TRDN: variants seen among roughly 807,000 people sequenced by gnomAD.
The protein encoded by TRDN is triadin in skeletal muscle.
Under a neutral mutation model 149.7 loss-of-function variants are expected in TRDN, and 161 were observed. That is an observed-to-expected ratio of 1.08 (90% CI 0.95 to 1.23). The LOEUF (loss-of-function observed/expected upper bound fraction) is 1.23. TRDN is among the 50% of genes most tolerant of loss of function. The probability of loss-of-function intolerance (pLI) is 0.00; values close to 1 mark genes in which losing one functional copy is unlikely to be tolerated. For missense variants in TRDN, 896 were observed against 823.5 expected (o/e 1.09, Z -1.08); for synonymous variants, 294 against 250.5 (o/e 1.17, Z -1.64).
intron 1 of TRDN, among the ~76,000 whole-genome samples, chr6:123,615,875 T>A (rs1293001624): frequency 6.6e-6 from 1 of 152,278 alleles, no homozygotes; most frequent in East Asian, 1.9e-4. Flanking sequence ...TTTTTGCATA[T>A]TTTTAATAGC....
chr6:123,311,255 C>T (rs1233001839), intron 24 of TRDN, among the ~76,000 whole-genome samples: 1 of 151,786 alleles, frequency 6.6e-6, no homozygotes, highest in Admixed American at 6.6e-5. Context: ...CTTATAAAAC[C>T]ATCAGATCCC....
chr6:123,471,155 C>T (rs919363049), intron 9 of TRDN: 2 of 152,118 alleles, frequency 1.3e-5, no homozygotes, highest in African/African-American at 4.8e-5. Flanking sequence ...ATTCACAGTA[C>T]GTTTTAAAGT....
rs184601026 is a variant in TRDN, at chr6:123,407,470, T to C, written c.1052-13793A>G. Among the ~76,000 whole-genome samples, 341 of 152,288 alleles carry C rather than the reference T, an allele frequency of 2.2e-3. 1 individual carries two copies. Among genetic ancestry groups the C allele is most frequent in the Non-Finnish European group, 4.0e-3 (271 of 68,026 alleles). On this transcript the variant is annotated intron_variant, in intron 12 of 40. Transcript: ENST00000334268. The stretch of plus-strand genomic sequence containing the variant: ...GTTTTCTCCCTCCTTGGGGCCAACA[T>C]AGTGCTTCACCAGGACTTTCTTAAG...
chr6:123,467,991 T>A (rs550387554), intron 9 of TRDN, among the ~76,000 whole-genome samples: 22 of 152,218 alleles, frequency 1.4e-4, no homozygotes, highest in African/African-American at 5.3e-4. Flanking sequence ...TTATAAAATG[T>A]GGATAGTTGT....
chr6:123,370,556 A>G (rs1781286003), intron 19 of TRDN, among the ~76,000 whole-genome samples: 1 of 152,116 alleles, frequency 6.6e-6, no homozygotes, highest in African/African-American at 2.4e-5. Flanking sequence ...ACATTCCTGC[A>G]CATGTGTCTC....
intron 2 of TRDN, among the ~76,000 whole-genome samples, chr6:123,549,759 T>C (rs973686399): frequency 1.3e-5 from 2 of 152,016 alleles, no homozygotes; most frequent in Admixed American, 1.3e-4. Flanking sequence ...GATCATGATT[T>C]CTATCAGGGT....
intron 1 of TRDN, among the ~76,000 whole-genome samples, chr6:123,594,795 A>G (rs1482333764): frequency 6.6e-6 from 1 of 152,028 alleles, no homozygotes. Flanking sequence ...TTTAGGTAGC[A>G]TGACTTTAGT....
At chr6:123,389,993 T>C (rs1782047073) in intron 13 of TRDN, among the ~76,000 whole-genome samples, 1 of 152,142 alleles carries the variant, frequency 6.6e-6, no homozygotes. Flanking sequence ...AAATAAGAAT[T>C]TCCTTCAAAA....
intron 5 of TRDN, among the ~76,000 whole-genome samples, chr6:123,518,837 A>G (rs1424909370): frequency 1.3e-5 from 2 of 152,158 alleles, no homozygotes; most frequent in Non-Finnish European, 2.9e-5. Flanking sequence ...GCAGACAGCC[A>G]CTGAAGCTCC....
intron 12 of TRDN, among the ~76,000 whole-genome samples, chr6:123,395,464 G>A (rs1170726784): frequency 6.6e-6 from 1 of 152,038 alleles, no homozygotes; most frequent in African/African-American, 2.4e-5. Flanking sequence ...TCTCTCAATG[G>A]GGTTTACCTC....
At chr6:123,446,668 G>T (rs1015613342) in intron 10 of TRDN, among the ~76,000 whole-genome samples, 118 of 151,456 alleles carry the variant, frequency 7.8e-4, no homozygotes, top group African/African-American at 2.7e-3. Context: ...GTTGAGTGCT[G>T]CAGCCAAGAT....
At chr6:123,384,696 C>G (rs762619119) in intron 14 of TRDN, among the ~76,000 whole-genome samples, 3 of 151,930 alleles carry the variant, frequency 2.0e-5, no homozygotes, top group Admixed American at 6.6e-5. Context: ...GAATAAAACA[C>G]GATATGAAGT....
intron 1 of TRDN, among the ~76,000 whole-genome samples, chr6:123,587,268 A>G (rs1783543832): frequency 6.6e-6 from 1 of 152,150 alleles, no homozygotes; most frequent in South Asian, 2.1e-4. Flanking sequence ...ACACCAAGGG[A>G]AGGCTGCCTT....
At chr6:123,428,768 C>T (rs1388385113) in intron 12 of TRDN, among the ~76,000 whole-genome samples, 1 of 152,170 alleles carries the variant, frequency 6.6e-6, no homozygotes, top group Non-Finnish European at 1.5e-5. Flanking sequence ...TTCTATACTT[C>T]TGCCTTGATT....
intron 12 of TRDN, among the ~76,000 whole-genome samples, chr6:123,434,649 C>A: frequency 6.6e-6 from 1 of 152,140 alleles, no homozygotes; most frequent in East Asian, 1.9e-4. Flanking sequence ...GCACTGAAGT[C>A]TAATACAAAC....
intron 1 of TRDN, among the ~76,000 whole-genome samples, chr6:123,580,366 T>C (rs1461414789): frequency 6.6e-6 from 1 of 152,102 alleles, no homozygotes; most frequent in Non-Finnish European, 1.5e-5. Flanking sequence ...GCTAGTAAAA[T>C]TTAAAAGCTA....
rs182051928 is a variant in TRDN, at chr6:123,298,676, G to A, written c.1510+17781C>T. Among the ~76,000 whole-genome samples, 506 of 152,006 alleles carry A rather than the reference G, an allele frequency of 3.3e-3. 3 individuals are homozygous for A. The highest frequency in any genetic ancestry group is 0.029 in the South Asian group (142 of 4,820). On this transcript the variant is annotated intron_variant, in intron 24 of 40. Transcript: ENST00000334268. ...ACAAGTGACAACACCATATAAAATG[G>A]GGAATTTATTTATTGAGAAATTTAC...
chr6:123,296,716 G>A (rs975947569), intron 24 of TRDN, among the ~76,000 whole-genome samples: 1 of 151,954 alleles, frequency 6.6e-6, no homozygotes, highest in Non-Finnish European at 1.5e-5. Context: ...AAAGTTACTT[G>A]AATAAAATAA....
chr6:123,511,647 T>C (rs1432239515), intron 7 of TRDN, among the ~76,000 whole-genome samples: 1 of 152,146 alleles, frequency 6.6e-6, no homozygotes, highest in African/African-American at 2.4e-5. Context: ...AACACCCATT[T>C]ATTATCTTCC....
Sources: allele counts gnomAD v4.1 joint callset (sites outside exome capture counted in the v4.1 genomes callset), GRCh38; gene constraint gnomAD v4.1.1; transcripts MANE v1.5; gene names NCBI Gene and HGNC (gene_info 2026-07-23, HGNC 2026-07-21).